The following SMYD3 variants were observed in gnomAD, a reference collection of about 807,000 sequenced individuals.
SMYD3 encodes the protein histone-lysine N-methyltransferase SMYD3.
Under a neutral mutation model 57.7 loss-of-function variants are expected in SMYD3, and 36 were observed. That is an observed-to-expected ratio of 0.62 (90% CI 0.48 to 0.82). The LOEUF (loss-of-function observed/expected upper bound fraction) is 0.82. SMYD3 is among the 40% of genes least tolerant of loss of function. The pLI is 0.00. For missense variants in SMYD3, 515 were observed against 538.8 expected (o/e 0.96, Z 0.44); for synonymous variants, 211 against 195.0 (o/e 1.08, Z -0.68).
chr1:246,249,487 C>CA (rs1364589920), intron 5 of SMYD3, among the ~76,000 whole-genome samples: 2 of 151,444 alleles, frequency 1.3e-5, no homozygotes, highest in African/African-American at 4.8e-5. Flanking sequence ...TTTTAATTCA[C>CA]AAAAATGCAC....
intron 5 of SMYD3, among the ~76,000 whole-genome samples, chr1:246,108,084 C>T (rs1339749518): frequency 1.3e-5 from 2 of 152,156 alleles, no homozygotes; most frequent in Non-Finnish European, 2.9e-5. Flanking sequence ...ACTTACAGAG[C>T]TCGTCTTCTT....
chr1:245,853,219 AG>A (rs2051063350), intron 10 of SMYD3, among the ~76,000 whole-genome samples: 1 of 152,208 alleles, frequency 6.6e-6, no homozygotes, highest in Admixed American at 6.5e-5. Context: ...GTTGTTCTCT[AG>A]GTCCTACTCC....
chr1:246,391,737 GGA>G (rs978979818), intron 1 of SMYD3, among the ~76,000 whole-genome samples: 2 of 152,124 alleles, frequency 1.3e-5, no homozygotes, highest in African/African-American at 4.8e-5. Flanking sequence ...TATGTAAAAA[GGA>G]GAGAGGGAAG....
At chr1:246,177,349 T>C (rs3904856) in intron 5 of SMYD3, among the ~76,000 whole-genome samples, 15,362 of 152,186 alleles carry the variant, frequency 0.1, 1,056 homozygotes, top group South Asian at 0.23. Context: ...AACAAAAACC[T>C]TTAACAACTC....
intron 5 of SMYD3, among the ~76,000 whole-genome samples, chr1:245,990,446 C>T (rs1377908758): frequency 6.6e-6 from 1 of 152,206 alleles, no homozygotes; most frequent in Non-Finnish European, 1.5e-5. Flanking sequence ...CTCCTACTTC[C>T]TTTTGGTCAC....
At chr1:245,956,256 G>A (rs2057837414) in intron 5 of SMYD3, among the ~76,000 whole-genome samples, 1 of 152,070 alleles carries the variant, frequency 6.6e-6, no homozygotes, top group African/African-American at 2.4e-5. Flanking sequence ...TAATGTATAT[G>A]GCACATAGTA....
chr1:246,262,343 A>C (rs1780789), intron 5 of SMYD3, among the ~76,000 whole-genome samples: 9,026 of 152,282 alleles, frequency 0.059, 435 homozygotes, highest in African/African-American at 0.12. Context: ...GAGAATGGGA[A>C]TAATGTGTTA....
chr1:246,232,352 G>C (rs997333959), intron 5 of SMYD3, among the ~76,000 whole-genome samples: 2 of 152,212 alleles, frequency 1.3e-5, no homozygotes, highest in Admixed American at 1.3e-4. Flanking sequence ...TTTTCCAGTA[G>C]TGCTGGATGC....
chr1:245,905,056 A>C (rs1477852254), intron 8 of SMYD3, among the ~76,000 whole-genome samples: 1 of 151,570 alleles, frequency 6.6e-6, no homozygotes, highest in Non-Finnish European at 1.5e-5. Context: ...TCACCTACTA[A>C]CTGAAGAACC....
intron 5 of SMYD3, among the ~76,000 whole-genome samples, chr1:246,136,889 G>A (rs1284898886): frequency 6.6e-6 from 1 of 152,178 alleles, no homozygotes; most frequent in African/African-American, 2.4e-5. Context: ...AGCACAGTCT[G>A]CCCAACTGTA....
chr1:246,373,786 T>C (rs1421678107), intron 1 of SMYD3, among the ~76,000 whole-genome samples: 1 of 152,206 alleles, frequency 6.6e-6, no homozygotes, highest in African/African-American at 2.4e-5. Context: ...AAGTAAAACT[T>C]TATTCTTTTA....
intron 5 of SMYD3, among the ~76,000 whole-genome samples, chr1:245,952,234 G>A (rs989417383): frequency 3.3e-5 from 5 of 152,020 alleles, no homozygotes; most frequent in African/African-American, 1.2e-4. Context: ...ATTAACCAAA[G>A]CATTATCAAT....
chr1:246,007,722 TG>T (rs2059200909), intron 5 of SMYD3, among the ~76,000 whole-genome samples: 1 of 149,506 alleles, frequency 6.7e-6, no homozygotes, highest in Non-Finnish European at 1.5e-5. Context: ...GAGGCTGAGG[TG>T]GGAGGATCAC....
chr1:245,785,222 C>T (rs1334245525), intron 10 of SMYD3, among the ~76,000 whole-genome samples: 15 of 151,836 alleles, frequency 9.9e-5, no homozygotes, highest in East Asian at 3.9e-4. Flanking sequence ...TGTTACATTA[C>T]GGAGAATGTG....
intron 3 of SMYD3, among the ~76,000 whole-genome samples, chr1:246,332,764 C>T (rs1017606009): frequency 6.6e-6 from 1 of 152,186 alleles, no homozygotes; most frequent in Non-Finnish European, 1.5e-5. Context: ...GCCAAGCTCA[C>T]GCCACTGCAC....
chr1:246,097,564 G>T (rs1351003919), intron 5 of SMYD3, among the ~76,000 whole-genome samples: 3 of 152,098 alleles, frequency 2.0e-5, no homozygotes, highest in Non-Finnish European at 2.9e-5. Flanking sequence ...AGAGTTCTCA[G>T]ATAGACCTGT....
chr1:245,966,392 C>T (rs2058150210), intron 5 of SMYD3, among the ~76,000 whole-genome samples: 1 of 152,176 alleles, frequency 6.6e-6, no homozygotes, highest in South Asian at 2.1e-4. Context: ...TGGTCTTGAA[C>T]TCCTGGCCTC....
chr1:245,961,539 A>AACAGAAG (rs2058007835), intron 5 of SMYD3, among the ~76,000 whole-genome samples: 1 of 152,154 alleles, frequency 6.6e-6, no homozygotes, highest in Non-Finnish European at 1.5e-5. Flanking sequence ...CTGGAGGCCT[A>AACAGAAG]AATCATCCTT....
At chr1:246,307,627 G>T (rs981169794) in intron 5 of SMYD3, among the ~76,000 whole-genome samples, 1 of 151,958 alleles carries the variant, frequency 6.6e-6, no homozygotes, top group African/African-American at 2.4e-5. Flanking sequence ...CACCGTTTTA[G>T]CCGGGATGGT....
Sources: gnomAD v4.1 joint callset for allele counts (sites outside exome capture counted in the v4.1 genomes callset) on GRCh38, gnomAD v4.1.1 for gene constraint, MANE v1.5 for transcripts, NCBI Gene and HGNC (gene_info 2026-07-23, HGNC 2026-07-21) for gene names.